PARP1: variants seen among roughly 807,000 people sequenced by gnomAD.
PARP1 encodes poly [ADP-ribose] polymerase 1.
A neutral mutation model predicts 118.7 loss-of-function variants in PARP1; 44 were observed. The ratio of observed to expected loss-of-function variants is 0.37; its 90% confidence interval spans 0.29 to 0.48. The LOEUF (loss-of-function observed/expected upper bound fraction) is 0.48. PARP1 is among the 20% of genes least tolerant of loss of function. The pLI, the probability that PARP1 is intolerant of heterozygous loss-of-function variation, is 0.99. For synonymous variants in PARP1, 492 were observed against 483.2 expected (o/e 1.02, Z -0.24); for missense variants, 1,100 against 1,272.4 (o/e 0.86, Z 2.06).
chr1:226,368,845 C>G (rs1260953286), intron 15 of PARP1, among the ~76,000 whole-genome samples: 1 of 152,238 alleles, frequency 6.6e-6, no homozygotes, highest in Non-Finnish European at 1.5e-5. Context: ...CTTACACTCA[C>G]TGCCAGTGTC....
At chr1:226,386,162 C>T (rs557468554) in intron 6 of PARP1, among the ~76,000 whole-genome samples, 164 bp downstream of exon 6, 31 of 152,304 alleles carry the variant, frequency 2.0e-4, no homozygotes, top group African/African-American at 7.2e-4. Flanking sequence ...ATGGTGACCA[C>T]GATGGTGGTG....
rs1392578570 is a variant in PARP1 at position 226,367,097 on chromosome 1, T to TA, written c.2406+382dup. 11 of 302,556 alleles carry TA rather than the reference T, an allele frequency of 3.6e-5. No individual in the cohort carries two copies. In the East Asian group the frequency reaches 5.8e-4, roughly 16 times the overall value. 18.7% of individuals were successfully genotyped at this position (302,556 alleles called of 1,614,324 possible). A position where few individuals can be genotyped will look rare whatever the true frequency, so the allele number is the denominator to read the frequency against. ...TTTCCACTTCTGAAATGGACACCGG[T>TA]AATAAGTCTTCTAAAAGTTCACGCT... On this transcript the variant is annotated intron_variant, in intron 17 of 22. Transcript: ENST00000366794.
At chr1:226,367,343 T>G (rs1576391180) in intron 17 of PARP1, 137 bp downstream of exon 17, 2 of 1,073,714 alleles carry the variant, frequency 1.9e-6, no homozygotes. Context: ...GGGAACTTGT[T>G]AGAAAAGTGA....
chr1:226,380,647 C>T (rs1431497277), intron 9 of PARP1, among the ~76,000 whole-genome samples: 4 of 152,164 alleles, frequency 2.6e-5, no homozygotes, highest in African/African-American at 4.8e-5. Context: ...TTCCCTTATC[C>T]GAGATGCTTG....
chr1:226,368,342 G>T, intron 15 of PARP1, 21 bp from the exon 16 acceptor site: 1 of 1,614,040 alleles, frequency 6.2e-7, no homozygotes, highest in South Asian at 1.1e-5. Context: ...GGGGACAGAA[G>T]GAATGCAAGA....
At position 226,380,120 on chromosome 1, in the gene PARP1, C is replaced by A. The variant is rs1664576594; in HGVS notation, c.1345G>T (p.Ala449Ser). 3 of 1,614,150 alleles carry A rather than the reference C, an allele frequency of 1.9e-6. No individual in the cohort carries two copies. In the East Asian group the frequency reaches 6.7e-5, roughly 36 times the overall value. The change falls in exon 10 of 23, where the codon GCC becomes TCC. Residue 449 changes from alanine (A) to serine (S), a missense_variant. By Grantham distance (99) the Ala-to-Ser change is moderately conservative (BLOSUM62 1). Transcript: ENST00000366794. ...TCCTCAGACACAACTCGGATGTTGG[C>A]TTCCTTTACTTCCTCCATCTTCTTA... ...MNKKMEEVKE[A>S]NIRVVSEDFL...
At chr1:226,365,199 G>A (rs1441353813) in intron 18 of PARP1, 45 bp from the exon 19 acceptor site, 2 of 1,604,076 alleles carry the variant, frequency 1.2e-6, no homozygotes, top group Admixed American at 1.7e-5. Flanking sequence ...GAAGCCATTT[G>A]TTACTCTGGT....
chr1:226,362,607 T>C (rs1332451476), intron 21 of PARP1, among the ~76,000 whole-genome samples: 1 of 152,212 alleles, frequency 6.6e-6, no homozygotes, highest in African/African-American at 2.4e-5. Context: ...AAGCGGCCAC[T>C]TCAACCAGGC....
Position 226,390,503 on chromosome 1 carries a change from T to A in PARP1, c.524A>T (p.Glu175Val). Residue 175 changes from glutamate to valine, a missense_variant, in exon 4 of 23, where the codon GAG becomes GTG. Physicochemically the swap from Glu to Val is moderately radical, Grantham distance 121. Coordinates refer to ENST00000366794, the MANE Select transcript of PARP1 (RefSeq NM_001618.4). ...GCCCTTGAGCTGACTCGCACTGTAC[T>A]CGGGCCGGAAACCCAGCTCCTCCCT... ...KNREELGFRPEYSASQLKGFS... is the reference protein window; with the variant it reads ...KNREELGFRPVYSASQLKGFS... 6.2e-7 allele frequency: 1 copy of A among 1,614,182 alleles called. No individual in the cohort carries two copies. The highest frequency in any genetic ancestry group is 2.2e-5 in the East Asian group (1 of 44,886).
chr1:226,406,788 C>A (rs1387135300), intron 1 of PARP1, among the ~76,000 whole-genome samples: 1 of 152,164 alleles, frequency 6.6e-6, no homozygotes, highest in African/African-American at 2.4e-5. Flanking sequence ...AATAAGATAA[C>A]GGAAGTACAC....
chr1:226,388,377 A>C (rs150828547), intron 5 of PARP1, among the ~76,000 whole-genome samples: 1 of 152,244 alleles, frequency 6.6e-6, no homozygotes, highest in African/African-American at 2.4e-5. Context: ...CTGTCATCCC[A>C]GTATGAGGCT....
intron 15 of PARP1, among the ~76,000 whole-genome samples, 178 bp downstream of exon 15, chr1:226,370,256 G>T (rs1212666436): frequency 3.9e-5 from 6 of 152,144 alleles, no homozygotes; most frequent in Non-Finnish European, 8.8e-5. Flanking sequence ...ATAAACTTTT[G>T]TAAGTAGCAG....
At chr1:226,382,904 G>T in intron 8 of PARP1, 132 bp downstream of exon 8, 1 of 1,004,122 alleles carries the variant, frequency 1.0e-6, no homozygotes, top group Non-Finnish European at 1.6e-6. Context: ...GCAGGGCAAG[G>T]CTTCCCCATG....
In PARP1 at chr1:226,361,163, ATAGGAC is replaced by A. The variant is rs909500259; in HGVS notation, c.*291_*296del. 2.1e-4 allele frequency: 94 copies of A among 449,942 alleles called. No individual in the cohort carries two copies. Among genetic ancestry groups the A allele is most frequent in the Non-Finnish European group, 2.4e-4 (60 of 247,930 alleles). The allele number at this position is 449,942 out of a possible 1,614,324, so 27.9% of individuals were successfully genotyped here. A position where few individuals can be genotyped will look rare whatever the true frequency, so the allele number is the denominator to read the frequency against. ...ATTCTAACGAAGCTTGGTTTTTTCC[ATAGGAC>A]TAGTCTATGCAACAGAATCTCTCTC... On this transcript the variant is annotated 3_prime_UTR_variant, in exon 23 of 23. Coordinates refer to ENST00000366794, the MANE Select transcript of PARP1 (RefSeq NM_001618.4).
intron 14 of PARP1, among the ~76,000 whole-genome samples, chr1:226,373,057 A>G (rs1664421114): frequency 6.6e-6 from 1 of 152,226 alleles, no homozygotes; most frequent in African/African-American, 2.4e-5. Context: ...CACAGGCGTG[A>G]GCATTCCTGC....
chr1:226,363,029 C>T (rs1576389479), intron 21 of PARP1, 70 bp downstream of exon 21: 1 of 1,082,030 alleles, frequency 9.2e-7, no homozygotes, highest in African/African-American at 1.5e-5. Flanking sequence ...CTTCTCAGGA[C>T]AGCAAGCCCC....
At chr1:226,381,765 A>T (rs1489205746) in intron 8 of PARP1, among the ~76,000 whole-genome samples, 1 of 152,230 alleles carries the variant, frequency 6.6e-6, no homozygotes, top group East Asian at 1.9e-4. Context: ...AAAGGCCTGG[A>T]CAGGGGTGTG....
intron 22 of PARP1, 101 bp from the exon 23 acceptor site, chr1:226,361,642 A>C: frequency 1.2e-6 from 1 of 850,130 alleles, no homozygotes. Flanking sequence ...GCCAGCCTGA[A>C]AGTCACTCTA....
chr1:226,373,692 C>T (rs1017227469), intron 14 of PARP1, among the ~76,000 whole-genome samples: 6 of 152,140 alleles, frequency 3.9e-5, no homozygotes, highest in African/African-American at 1.2e-4. Flanking sequence ...ACGAATCAAG[C>T]GTCACAGCAA....
Sources: allele counts gnomAD v4.1 joint callset (sites outside exome capture counted in the v4.1 genomes callset), GRCh38; gene constraint gnomAD v4.1.1; transcripts MANE v1.5; gene names NCBI Gene and HGNC (gene_info 2026-07-23, HGNC 2026-07-21).